The following LARGE1 variants were observed in gnomAD, a reference collection of about 807,000 sequenced individuals.
LARGE1 encodes the protein LARGE xylosyl- and glucuronyltransferase 1.
In LARGE1, 43 loss-of-function variants were observed where a neutral mutation model predicts 87.6. The observed-to-expected ratio is 0.49, with a 90% CI of 0.38 to 0.63. The LOEUF is 0.63. Among genes scored for constraint, LARGE1 ranks in the 30% least tolerant of loss-of-function variants. LARGE1 has a pLI of 0.00. For synonymous variants in LARGE1, 434 were observed against 394.6 expected (o/e 1.10, Z -1.18); for missense variants, 802 against 1,000.2 (o/e 0.80, Z 2.67).
At chr22:33,324,197 C>G (rs1414283053) in intron 10 of LARGE1, among the ~76,000 whole-genome samples, 1 of 127,710 alleles carries the variant, frequency 7.8e-6, no homozygotes, top group African/African-American at 3.1e-5. Flanking sequence ...TCATTGCACT[C>G]CAGTCTGGGC....
intron 9 of LARGE1, among the ~76,000 whole-genome samples, chr22:33,380,685 G>C (rs1258638822): frequency 6.6e-6 from 1 of 152,284 alleles, no homozygotes; most frequent in East Asian, 1.9e-4. Context: ...TACCCACATG[G>C]GGACATGGAT....
Position 33,432,833 on chromosome 22 carries a change from C to T in LARGE1, c.788-568G>A, listed in dbSNP as rs189129431. ...TCCACCTTCTTACAGGGTTTTTGTTCTCACCCTCACTGCTTCCTTTCAAAT... is the reference window on the plus strand; with the variant it reads ...TCCACCTTCTTACAGGGTTTTTGTTTTCACCCTCACTGCTTCCTTTCAAAT... On this transcript the variant is annotated intron_variant, in intron 6 of 14. Transcript: ENST00000397394. Among the ~76,000 whole-genome samples, 3 of 152,266 alleles carry T rather than the reference C, an allele frequency of 2.0e-5. No individual in the cohort carries two copies. The East Asian group carries it at 5.8e-4, about 29-fold the overall frequency.
intron 6 of LARGE1, among the ~76,000 whole-genome samples, chr22:33,460,219 T>C (rs1354569958): frequency 6.6e-6 from 1 of 152,236 alleles, no homozygotes. Flanking sequence ...CTTGCTGAGC[T>C]TCCACTGCTT....
chr22:33,218,110 A>C (rs956959036), intron 11 of LARGE1, among the ~76,000 whole-genome samples: 2 of 151,844 alleles, frequency 1.3e-5, no homozygotes, highest in African/African-American at 2.4e-5. Context: ...GTGTATTTTT[A>C]GTAGAGGTGG....
chr22:33,572,942 T>G (rs568433383), intron 5 of LARGE1, among the ~76,000 whole-genome samples: 1 of 152,268 alleles, frequency 6.6e-6, no homozygotes, highest in Admixed American at 6.5e-5. Context: ...CTGACTGGGT[T>G]TGAATACTGG....
At position 33,645,183 on chromosome 22, in the gene LARGE1, C is replaced by T. The variant is rs961201173; in HGVS notation, c.408+5184G>A. On this transcript the variant is annotated intron_variant, in intron 3 of 14. Transcript: ENST00000397394. Reference sequence around the variant, plus strand: ...TACTACAAGGCTACAGTAACCAAAGCAGCATGGTACTCCTACAAGGCTACA... The same window carrying T: ...TACTACAAGGCTACAGTAACCAAAGTAGCATGGTACTCCTACAAGGCTACA... Among the ~76,000 whole-genome samples, 6 of 151,872 alleles carry T rather than the reference C, an allele frequency of 4.0e-5. No homozygotes were observed. The South Asian group carries it at 6.3e-4, about 16-fold the overall frequency.
intron 11 of LARGE1, among the ~76,000 whole-genome samples, chr22:33,217,994 A>C (rs900978681): frequency 6.6e-6 from 1 of 151,778 alleles, no homozygotes. Flanking sequence ...GAGTGGTACA[A>C]TCTTGGCTCA....
intron 11 of LARGE1, among the ~76,000 whole-genome samples, chr22:33,196,605 C>G (rs938665008): frequency 6.7e-6 from 1 of 148,842 alleles, no homozygotes; most frequent in Admixed American, 6.6e-5. Flanking sequence ...TAAAATTTTT[C>G]GCAAAATAGG....
At chr22:33,223,215 C>T (rs931744615) in intron 11 of LARGE1, among the ~76,000 whole-genome samples, 7 of 152,178 alleles carry the variant, frequency 4.6e-5, no homozygotes, top group African/African-American at 9.7e-5. Context: ...GACTGTTATT[C>T]GTTCGCTTCC....
chr22:33,623,292 G>A (rs922341056), intron 4 of LARGE1, among the ~76,000 whole-genome samples: 3 of 152,126 alleles, frequency 2.0e-5, no homozygotes, highest in Non-Finnish European at 2.9e-5. Context: ...GTACTGAAAG[G>A]AGCCTTCAAA....
chr22:33,127,337 AGTGT>A, the LARGE1 span, among the ~76,000 whole-genome samples: 1 of 151,732 alleles, frequency 6.6e-6, no homozygotes, highest in Admixed American at 6.6e-5. Context: ...GTCAGGTGAG[AGTGT>A]GTGTCTCAAT....
intron 2 of LARGE1, among the ~76,000 whole-genome samples, chr22:33,658,635 T>C (rs1282935265): frequency 6.6e-6 from 1 of 152,254 alleles, no homozygotes; most frequent in Admixed American, 6.5e-5. Flanking sequence ...TTTTTATGGC[T>C]GCATAGTATT....
the LARGE1 span, among the ~76,000 whole-genome samples, chr22:33,125,447 A>ATTTT: frequency 1.4e-5 from 2 of 144,254 alleles, no homozygotes; most frequent in Non-Finnish European, 1.5e-5. Flanking sequence ...CCTGCTTTCA[A>ATTTT]TTTTTTTTTT....
chr22:33,532,419 C>T (rs1344447965), intron 6 of LARGE1, among the ~76,000 whole-genome samples: 1 of 152,202 alleles, frequency 6.6e-6, no homozygotes, highest in Non-Finnish European at 1.5e-5. Flanking sequence ...TGTGCAAGCC[C>T]TGACAAGGGG....
At chr22:33,444,844 C>A (rs140977547) in intron 6 of LARGE1, among the ~76,000 whole-genome samples, 1 of 151,512 alleles carries the variant, frequency 6.6e-6, no homozygotes. Context: ...TTTTTTGAGA[C>A]GGTGAGACGT....
intron 7 of LARGE1, among the ~76,000 whole-genome samples, chr22:33,412,641 T>C (rs1051435903): frequency 6.6e-6 from 1 of 152,354 alleles, no homozygotes; most frequent in African/African-American, 2.4e-5. Flanking sequence ...GTTTACATAA[T>C]CTGATTTTTA....
At chr22:33,855,347 AAAT>A (rs1365961596) in intron 1 of LARGE1, among the ~76,000 whole-genome samples, 1 of 152,074 alleles carries the variant, frequency 6.6e-6, no homozygotes, top group Non-Finnish European at 1.5e-5. Flanking sequence ...AAAAATAAAT[AAAT>A]AAAAATAAAG....
intron 9 of LARGE1, among the ~76,000 whole-genome samples, chr22:33,379,815 C>T (rs1369942540): frequency 6.6e-6 from 1 of 152,146 alleles, no homozygotes; most frequent in Non-Finnish European, 1.5e-5. Flanking sequence ...AGGGGCCCTA[C>T]TCTAAGACAC....
chr22:33,652,359 T>TAA (rs143972711), intron 2 of LARGE1, among the ~76,000 whole-genome samples: 3,302 of 150,036 alleles, frequency 0.022, 90 homozygotes, highest in African/African-American at 0.07. Flanking sequence ...GAGCTAACAT[T>TAA]AAAAAAAAAC....
Sources: gnomAD v4.1 joint callset for allele counts (sites outside exome capture counted in the v4.1 genomes callset) on GRCh38, gnomAD v4.1.1 for gene constraint, MANE v1.5 for transcripts, NCBI Gene and HGNC (gene_info 2026-07-23, HGNC 2026-07-21) for gene names.